FMNL2: variants seen among roughly 807,000 people sequenced by gnomAD.
The protein encoded by FMNL2 is formin like 2.
Under a neutral mutation model 130.2 loss-of-function variants are expected in FMNL2, and 51 were observed. The ratio of observed to expected loss-of-function variants is 0.39; its 90% CI spans 0.31 to 0.49. The LOEUF is 0.49. Among genes scored for constraint, FMNL2 ranks in the 20% least tolerant of loss-of-function variants. The pLI is 0.85. For synonymous variants in FMNL2, 465 were observed against 467.1 expected, an observed-to-expected ratio of 1.00 and a Z score of 0.06; for missense variants, 977 against 1,316.2, an observed-to-expected ratio of 0.74 and a Z score of 3.99.
At chr2:152,377,635 A>T (rs1368493942) in intron 1 of FMNL2, among the ~76,000 whole-genome samples, 1 of 152,202 alleles carries the variant, frequency 6.6e-6, no homozygotes, top group Non-Finnish European at 1.5e-5. Context: ...CATCACAGAA[A>T]GTTCCATTGT....
At chr2:152,371,485 A>G (rs1373403719) in intron 1 of FMNL2, among the ~76,000 whole-genome samples, 5 of 151,956 alleles carry the variant, frequency 3.3e-5, no homozygotes, top group Non-Finnish European at 7.4e-5. Context: ...CCTGGCCAAC[A>G]TGGTGAATCC....
At position 152,639,823 on chromosome 2, in the gene FMNL2, A is replaced by G. The variant is rs1682927704; in HGVS notation, c.2947-135A>G. On this transcript the variant is annotated intron_variant, in intron 23 of 25. Coordinates refer to ENST00000288670, the MANE Select transcript of FMNL2 (RefSeq NM_052905.4). Reference sequence around the variant, plus strand: ...CAGAAGCAGAGCTAAATACAGGCATAAAGTGTAGATCTTCTCAACCTTCCA... The same window carrying G: ...CAGAAGCAGAGCTAAATACAGGCATGAAGTGTAGATCTTCTCAACCTTCCA... 28 of 710,506 alleles carry G rather than the reference A, an allele frequency of 3.9e-5. No individual in the cohort carries two copies. In the South Asian group the frequency reaches 5.3e-4, roughly 13 times the overall value. 44.0% of individuals were successfully genotyped at this position (710,506 alleles called of 1,614,324 possible).
At chr2:152,528,509 T>G (rs140885884) in intron 2 of FMNL2, among the ~76,000 whole-genome samples, 282 of 152,276 alleles carry the variant, frequency 1.9e-3, no homozygotes, top group African/African-American at 6.6e-3. Context: ...TCTGCCTCCA[T>G]CCTTACCTGG....
At chr2:152,488,179 G>A (rs935030807) in intron 1 of FMNL2, among the ~76,000 whole-genome samples, 3 of 152,160 alleles carry the variant, frequency 2.0e-5, no homozygotes, top group Non-Finnish European at 4.4e-5. Flanking sequence ...GTCCTGTTGG[G>A]GTTTGTGATT....
chr2:152,632,882 T>C (rs1278808548), intron 21 of FMNL2, among the ~76,000 whole-genome samples: 2 of 152,198 alleles, frequency 1.3e-5, no homozygotes, highest in Non-Finnish European at 2.9e-5. Context: ...AATTGTGATA[T>C]CGAACCATAA....
At chr2:152,389,809 G>C (rs753219209) in intron 1 of FMNL2, 253 of 1,366,174 alleles carry the variant, frequency 1.9e-4, no homozygotes, top group Non-Finnish European at 2.5e-4. Context: ...CTTTTTCACT[G>C]CAGGAGAAGA....
At chr2:152,577,109 T>C (rs1217790033) in intron 7 of FMNL2, among the ~76,000 whole-genome samples, 1 of 152,108 alleles carries the variant, frequency 6.6e-6, no homozygotes, top group Non-Finnish European at 1.5e-5. Flanking sequence ...CTTTTAGCAG[T>C]AATTTAGGTG....
At chr2:152,426,413 C>T (rs1010210382) in intron 1 of FMNL2, among the ~76,000 whole-genome samples, 1 of 152,222 alleles carries the variant, frequency 6.6e-6, no homozygotes, top group Non-Finnish European at 1.5e-5. Context: ...TATGTTTTAT[C>T]ACTTGCTTAG....
chr2:152,438,001 G>T (rs4664109), intron 1 of FMNL2, among the ~76,000 whole-genome samples: 82,090 of 151,990 alleles, frequency 0.54, 23,785 homozygotes, highest in East Asian at 0.97. Flanking sequence ...AATTTGGACA[G>T]GATAAATAAG....
At chr2:152,523,168 A>C (rs1178841025) in intron 2 of FMNL2, among the ~76,000 whole-genome samples, 1 of 152,216 alleles carries the variant, frequency 6.6e-6, no homozygotes, top group African/African-American at 2.4e-5. Context: ...AAAGAAATTG[A>C]TTTCCAAAAG....
chr2:152,415,277 C>T (rs888844336), intron 1 of FMNL2, among the ~76,000 whole-genome samples: 2 of 152,142 alleles, frequency 1.3e-5, no homozygotes, highest in African/African-American at 2.4e-5. Flanking sequence ...TCGGAGACAG[C>T]ATGGTCTATA....
At chr2:152,545,663 G>C (rs1211235519) in intron 3 of FMNL2, among the ~76,000 whole-genome samples, 1 of 152,114 alleles carries the variant, frequency 6.6e-6, no homozygotes, top group Non-Finnish European at 1.5e-5. Context: ...CTGCCTCTGG[G>C]GGCTCATCCC....
At position 152,628,329 on chromosome 2, in the gene FMNL2, T is replaced by C. The variant is rs369673616; in HGVS notation, c.2196T>C (p.Phe732=). 3.5e-5 allele frequency: 57 copies of C among 1,613,946 alleles called. No individual in the cohort carries two copies. The highest frequency in any genetic ancestry group is 1.2e-4 in the Admixed American group (7 of 60,016). ...VFDLKTLPVD[F]VECLMRFLPT... Reference sequence around the variant, plus strand: ...ACTTGAAGACACTGCCTGTGGACTTTGTGGAATGCTTGATGCGGTTCCTAC... The same window carrying C: ...ACTTGAAGACACTGCCTGTGGACTTCGTGGAATGCTTGATGCGGTTCCTAC... The change falls in exon 18 of 26, where the codon TTT becomes TTC. Residue 732 remains phenylalanine, a synonymous_variant. Coordinates refer to ENST00000288670, the MANE Select transcript of FMNL2 (RefSeq NM_052905.4).
At chr2:152,551,920 G>A (rs1302516343) in intron 4 of FMNL2, among the ~76,000 whole-genome samples, 1 of 152,164 alleles carries the variant, frequency 6.6e-6, no homozygotes, top group Non-Finnish European at 1.5e-5. Context: ...GAGGCAGAAG[G>A]ATCAATTGAG....
rs1264064201 is a variant in FMNL2, at chr2:152,348,889, C to T, written c.117+13169C>T. Among the ~76,000 whole-genome samples the T allele has an allele frequency of 2.8e-5, 3 of 106,286 alleles. 1 individual carries two copies. The highest frequency in any genetic ancestry group is 1.2e-4 in the African/African-American group (3 of 24,400). The allele number at this position is 106,286 out of a possible 152,430, so 69.7% of individuals were successfully genotyped here. ...GTCGCCCAGGCCGGACTGTGGACTGCAGTGGCACAATCTCGGCTCACTGCA... is the reference window on the plus strand; with the variant it reads ...GTCGCCCAGGCCGGACTGTGGACTGTAGTGGCACAATCTCGGCTCACTGCA... On this transcript the variant is annotated intron_variant, in intron 1 of 25. Coordinates refer to ENST00000288670, the MANE Select transcript of FMNL2 (RefSeq NM_052905.4).
chr2:152,401,100 T>A (rs1428646691), intron 1 of FMNL2, among the ~76,000 whole-genome samples: 3 of 152,212 alleles, frequency 2.0e-5, no homozygotes, highest in South Asian at 2.1e-4. Context: ...TAAGACTATT[T>A]CATTGTAGCT....
intron 1 of FMNL2, among the ~76,000 whole-genome samples, chr2:152,432,703 T>C (rs1295686425): frequency 6.6e-6 from 1 of 152,232 alleles, no homozygotes; most frequent in Non-Finnish European, 1.5e-5. Context: ...CCTTCTGAGG[T>C]TGAATTGGCA....
At chr2:152,388,746 T>C (rs758869748) in intron 1 of FMNL2, among the ~76,000 whole-genome samples, 2 of 152,230 alleles carry the variant, frequency 1.3e-5, no homozygotes, top group Non-Finnish European at 2.9e-5. Flanking sequence ...ATTGATAGTT[T>C]GTGCACAAGT....
Position 152,480,392 on chromosome 2 carries a change from A to C in FMNL2, c.118-41551A>C, listed in dbSNP as rs183065890. Among the ~76,000 whole-genome samples the C allele has an allele frequency of 5.3e-4, 81 of 152,290 alleles. 1 individual carries two copies. Among genetic ancestry groups the C allele is most frequent in the Non-Finnish European group, 1.0e-3 (69 of 68,008 alleles). ...ACGCCTGTAATCCCAGCACTTTGGG[A>C]GGCCGAGGCGGATGGATCACCTGCG... is the stretch of plus-strand genomic sequence containing the variant. On this transcript the variant is annotated intron_variant, in intron 1 of 25. Coordinates refer to ENST00000288670, the MANE Select transcript of FMNL2 (RefSeq NM_052905.4).
Sources: allele counts gnomAD v4.1 joint callset (sites outside exome capture counted in the v4.1 genomes callset), GRCh38; gene constraint gnomAD v4.1.1; transcripts MANE v1.5; gene names NCBI Gene and HGNC (gene_info 2026-07-23, HGNC 2026-07-21).